The following SUGCT variants were observed in gnomAD, a reference collection of about 807,000 sequenced individuals.
SUGCT encodes the protein succinyl-CoA:glutarate-CoA transferase.
A neutral mutation model predicts 55.0 loss-of-function variants in SUGCT; 41 were observed. The ratio of observed to expected loss-of-function variants is 0.74; its 90% CI spans 0.58 to 0.97. The LOEUF is 0.97. Ranked by LOEUF, SUGCT falls within the 50% of genes least tolerant of loss-of-function variation. SUGCT has a pLI of 0.00. For missense variants in SUGCT, 568 were observed against 547.8 expected (o/e 1.04, Z -0.37); for synonymous variants, 187 against 200.4 (o/e 0.93, Z 0.56).
chr7:40,291,439 G>A (rs1304186215), intron 8 of SUGCT, among the ~76,000 whole-genome samples: 14 of 146,380 alleles, frequency 9.6e-5, no homozygotes, highest in Non-Finnish European at 1.5e-5. Context: ...CTCACTCATA[G>A]GTGGGAATTG....
chr7:40,934,789 C>T, the SUGCT span, among the ~76,000 whole-genome samples: 1 of 152,274 alleles, frequency 6.6e-6, no homozygotes, highest in Non-Finnish European at 1.5e-5. Context: ...TTGCTAAGGT[C>T]GTGGGAAAAA....
At chr7:40,177,546 A>G (rs193154117) in intron 1 of SUGCT, among the ~76,000 whole-genome samples, 5 of 152,244 alleles carry the variant, frequency 3.3e-5, no homozygotes, top group Admixed American at 3.3e-4. Flanking sequence ...TCATACTCTG[A>G]TTACATTGCT....
chr7:40,537,271 G>C (rs1794415050), intron 12 of SUGCT, among the ~76,000 whole-genome samples: 1 of 152,116 alleles, frequency 6.6e-6, no homozygotes, highest in Non-Finnish European at 1.5e-5. Flanking sequence ...GTGAGTTCCA[G>C]GTTCAGGAAA....
intron 12 of SUGCT, among the ~76,000 whole-genome samples, chr7:40,706,402 G>A (rs1044477743): frequency 4.6e-5 from 7 of 152,142 alleles, no homozygotes; most frequent in Non-Finnish European, 7.3e-5. Context: ...ATCTACTCGG[G>A]TGGCTAGGCA....
chr7:40,376,175 G>A (rs1303912658), intron 9 of SUGCT, among the ~76,000 whole-genome samples: 10 of 151,930 alleles, frequency 6.6e-5, no homozygotes, highest in Non-Finnish European at 1.5e-4. Context: ...AGCTATGAAG[G>A]GAAGGTAAAA....
intron 1 of SUGCT, among the ~76,000 whole-genome samples, chr7:40,145,229 T>C (rs1788183372): frequency 6.6e-6 from 1 of 152,222 alleles, no homozygotes; most frequent in South Asian, 2.1e-4. Context: ...ATTATAATCC[T>C]TTTACCAAAA....
At chr7:40,752,087 A>G (rs1442617829) in intron 13 of SUGCT, among the ~76,000 whole-genome samples, 1 of 152,194 alleles carries the variant, frequency 6.6e-6, no homozygotes, top group Non-Finnish European at 1.5e-5. Flanking sequence ...AAACATAAGC[A>G]TTTGTTTATC....
At position 40,188,587 on chromosome 7, in the gene SUGCT, A is replaced by C; in HGVS notation, c.312+7A>C. 1 of 1,584,778 alleles carries C rather than the reference A, an allele frequency of 6.3e-7. No homozygotes were observed. The highest frequency in any genetic ancestry group is 8.6e-7 in the Non-Finnish European group (1 of 1,165,772). On this transcript the variant is annotated splice_region_variant and intron_variant, in intron 4 of 13. Coordinates refer to ENST00000335693, the MANE Select transcript of SUGCT (RefSeq NM_001193313.2). The stretch of plus-strand genomic sequence containing the variant: ...TGTTAACCGAAATAAAAAAGTAAGA[A>C]TATCATCCCTTTTTTGCTTTTTGTG...
intron 13 of SUGCT, among the ~76,000 whole-genome samples, chr7:40,818,254 C>T (rs1290839567): frequency 6.6e-6 from 1 of 152,220 alleles, no homozygotes; most frequent in East Asian, 1.9e-4. Context: ...TGGAGGTCTA[C>T]ACACCTTGGA....
intron 13 of SUGCT, among the ~76,000 whole-genome samples, chr7:40,781,520 A>G (rs574094242): frequency 6.6e-6 from 1 of 152,204 alleles, no homozygotes; most frequent in South Asian, 2.1e-4. Flanking sequence ...CCTGTATATT[A>G]GATATATTTT....
chr7:40,339,496 C>T (rs150294345), intron 9 of SUGCT, among the ~76,000 whole-genome samples: 2,830 of 152,230 alleles, frequency 0.019, 66 homozygotes, highest in African/African-American at 0.05. Flanking sequence ...GATCTCAGAC[C>T]GCTGTGCTAG....
At chr7:40,184,826 A>T (rs1285062411) in intron 3 of SUGCT, among the ~76,000 whole-genome samples, 1 of 152,196 alleles carries the variant, frequency 6.6e-6, no homozygotes, top group Non-Finnish European at 1.5e-5. Context: ...ACCATAAGTG[A>T]TAGCCATATA....
At chr7:40,470,746 A>AGTCTCT (rs1790359701) in intron 11 of SUGCT, among the ~76,000 whole-genome samples, 1 of 123,430 alleles carries the variant, frequency 8.1e-6, no homozygotes, top group Admixed American at 8.1e-5. Context: ...CTAAGTGAAC[A>AGTCTCT]GTCTCTCTCT....
the SUGCT span, among the ~76,000 whole-genome samples, chr7:40,902,197 C>T: frequency 6.6e-6 from 1 of 152,116 alleles, no homozygotes; most frequent in Non-Finnish European, 1.5e-5. Context: ...CCAGGCATCA[C>T]AGAAAAACTT....
At chr7:40,171,613 T>C (rs1212433893) in intron 1 of SUGCT, among the ~76,000 whole-genome samples, 1 of 152,234 alleles carries the variant, frequency 6.6e-6, no homozygotes, top group East Asian at 1.9e-4. Context: ...CGTTTTTGCT[T>C]TTTTTGAATT....
At chr7:40,932,663 C>T in the SUGCT span, among the ~76,000 whole-genome samples, 1 of 151,840 alleles carries the variant, frequency 6.6e-6, no homozygotes, top group Non-Finnish European at 1.5e-5. Context: ...GCATTGATCC[C>T]TTTACCATTA....
intron 9 of SUGCT, among the ~76,000 whole-genome samples, chr7:40,339,536 C>T (rs1584722331): frequency 6.6e-6 from 1 of 152,140 alleles, no homozygotes; most frequent in East Asian, 1.9e-4. Flanking sequence ...GGCGTGGGAC[C>T]CTCTGAGCCA....
At chr7:40,982,929 A>G in the SUGCT span, among the ~76,000 whole-genome samples, 2 of 152,178 alleles carry the variant, frequency 1.3e-5, no homozygotes, top group South Asian at 4.1e-4. Flanking sequence ...GATTACAGGC[A>G]TGAGCTGCCA....
intron 13 of SUGCT, among the ~76,000 whole-genome samples, chr7:40,791,221 C>T (rs1176310470): frequency 6.6e-6 from 1 of 152,044 alleles, no homozygotes; most frequent in Non-Finnish European, 1.5e-5. Context: ...AAGGTAAGAC[C>T]ACTGGATTAA....
Sources: allele counts gnomAD v4.1 joint callset (sites outside exome capture counted in the v4.1 genomes callset), GRCh38; gene constraint gnomAD v4.1.1; transcripts MANE v1.5; gene names NCBI Gene and HGNC (gene_info 2026-07-23, HGNC 2026-07-21).